The following CFAP43 variants were observed in gnomAD, a reference collection of about 807,000 sequenced individuals.
CFAP43 encodes cilia- and flagella-associated protein 43.
A neutral mutation model predicts 218.9 loss-of-function variants in CFAP43; 155 were observed. The ratio of observed to expected loss-of-function variants is 0.71; its 90% confidence interval spans 0.62 to 0.81. CFAP43 has a LOEUF of 0.81. Ranked by LOEUF, CFAP43 falls within the 30% of genes least tolerant of loss-of-function variation. The probability of loss-of-function intolerance (pLI) is 0.00; values close to 1 mark genes in which losing one functional copy is unlikely to be tolerated. For missense variants in CFAP43, 1,778 were observed against 1,954.3 expected (o/e 0.91, Z 1.70); for synonymous variants, 645 against 681.3 (o/e 0.95, Z 0.83).
At chr10:104,231,684 A>T (rs1194774161) in intron 1 of CFAP43, among the ~76,000 whole-genome samples, 1 of 152,168 alleles carries the variant, frequency 6.6e-6, no homozygotes, top group African/African-American at 2.4e-5. Flanking sequence ...ATATCTGCGC[A>T]GTGCTTGATG....
At chr10:104,222,828 T>C (rs2091217736) in intron 3 of CFAP43, among the ~76,000 whole-genome samples, 1 of 152,148 alleles carries the variant, frequency 6.6e-6, no homozygotes, top group Admixed American at 6.5e-5. Context: ...TACAAATGTA[T>C]TGAATGAATT....
Position 104,193,999 on chromosome 10 carries a change from A to T in CFAP43, c.1309T>A (p.Cys437Ser), listed in dbSNP as rs2090312004. The change falls in exon 11 of 38, where the codon TGC becomes AGC. Residue 437 changes from cysteine (C) to serine (S), a missense_variant. By Grantham distance (112) the Cys-to-Ser change is moderately radical. Around this residue, in one of 3 missense-constraint regions of CFAP43, gnomAD observed 1,553 missense variants for 1,685.2 expected, o/e 0.92. Transcript: ENST00000357060. The stretch of plus-strand genomic sequence containing the variant: ...GCTGCAGAGAGGGAGGATGGACAGC[A>T]AGCCAGAACCGTTGCCTGTTTAAAA... Reference protein sequence around the residue: ...YLNTLATVLACCPSSLSAAVG... With the variant: ...YLNTLATVLASCPSSLSAAVG... 6.2e-7 allele frequency: 1 copy of T among 1,613,796 alleles called. No homozygotes were observed. The highest frequency in any genetic ancestry group is 8.5e-7 in the Non-Finnish European group (1 of 1,180,034).
intron 34 of CFAP43, among the ~76,000 whole-genome samples, chr10:104,138,813 A>C (rs2087568401): frequency 1.3e-5 from 2 of 152,230 alleles, no homozygotes; most frequent in African/African-American, 2.4e-5. Flanking sequence ...ATAATGTGTC[A>C]ATATTAGTTC....
chr10:104,183,884 T>G (rs2089943022), intron 16 of CFAP43, among the ~76,000 whole-genome samples: 2 of 152,200 alleles, frequency 1.3e-5, no homozygotes, highest in African/African-American at 4.8e-5. Flanking sequence ...AATATTCTAT[T>G]CAGAATCCCA....
At chr10:104,162,500 G>T (rs1221224486) in intron 24 of CFAP43, 97 bp from the exon 25 acceptor site, 2 of 1,030,984 alleles carry the variant, frequency 1.9e-6, no homozygotes, top group Non-Finnish European at 1.5e-6. Context: ...ATACTAAGGG[G>T]ATTAAAGGGA....
intron 34 of CFAP43, among the ~76,000 whole-genome samples, chr10:104,137,932 T>C (rs907255473): frequency 2.0e-5 from 3 of 152,252 alleles, no homozygotes; most frequent in Non-Finnish European, 2.9e-5. Context: ...TTTTATGTTA[T>C]GTGTATTATA....
intron 9 of CFAP43, among the ~76,000 whole-genome samples, chr10:104,197,387 A>T (rs949123657): frequency 6.6e-6 from 1 of 152,142 alleles, no homozygotes; most frequent in African/African-American, 2.4e-5. Context: ...CCTACTATTA[A>T]CATCTTGCAT....
rs2089457273 is a variant in CFAP43 at position 104,172,587 on chromosome 10, T to G, written c.2461-52A>C. On this transcript the variant is annotated intron_variant, in intron 19 of 37. Transcript: ENST00000357060. ...TGACAAGTAAAGAATTAAACTGTAA[T>G]AAGATAATTTTCTTAGTTTCTTTTA... 3 of 1,452,944 alleles carry G rather than the reference T, an allele frequency of 2.1e-6. No homozygotes were observed. In the Admixed American group the frequency reaches 8.6e-5, roughly 42 times the overall value. 90.0% of individuals were successfully genotyped at this position (1,452,944 alleles called of 1,614,324 possible).
At chr10:104,188,507 CACTATATCTTT>C (rs2090105876) in intron 12 of CFAP43, 97 bp from the exon 13 acceptor site, 1 of 1,429,502 alleles carries the variant, frequency 7.0e-7, no homozygotes, top group Non-Finnish European at 9.4e-7. Flanking sequence ...GACTTGCCTT[CACTATATCTTT>C]AGAATCAAAT....
At chr10:104,184,371 GT>G (rs962808734) in intron 16 of CFAP43, among the ~76,000 whole-genome samples, 8 of 151,698 alleles carry the variant, frequency 5.3e-5, no homozygotes, top group African/African-American at 1.9e-4. Flanking sequence ...ATAAACAGGA[GT>G]TTTTAAAGTT....
chr10:104,222,294 G>A (rs1047271416), intron 3 of CFAP43, among the ~76,000 whole-genome samples: 1 of 152,120 alleles, frequency 6.6e-6, no homozygotes, highest in African/African-American at 2.4e-5. Flanking sequence ...TCGTGTTTAG[G>A]CCCACTGCTG....
chr10:104,190,488 C>A (rs1245661118), intron 12 of CFAP43, among the ~76,000 whole-genome samples: 1 of 152,166 alleles, frequency 6.6e-6, no homozygotes, highest in East Asian at 1.9e-4. Context: ...TCTGTTGAGC[C>A]ATCTCATCAG....
In CFAP43 at chr10:104,203,668, A is replaced by T. The variant is rs759739379; in HGVS notation, c.1095+4T>A. The T allele has an allele frequency of 6.3e-7, 1 of 1,596,688 alleles. No individual in the cohort carries two copies. The highest frequency in any genetic ancestry group is 1.2e-5 in the South Asian group (1 of 86,320). ...ACATATCAAGAAATTACCATCCAACATACCTTGTCTGTTTGAATCAGCAAC... is the reference window on the plus strand; with the variant it reads ...ACATATCAAGAAATTACCATCCAACTTACCTTGTCTGTTTGAATCAGCAAC... On this transcript the variant is annotated splice_donor_region_variant and intron_variant, in intron 8 of 37. Coordinates refer to ENST00000357060, the MANE Select transcript of CFAP43 (RefSeq NM_025145.7).
intron 6 of CFAP43, among the ~76,000 whole-genome samples, chr10:104,207,418 G>A (rs2090726059): frequency 6.6e-6 from 1 of 152,124 alleles, no homozygotes; most frequent in Non-Finnish European, 1.5e-5. Flanking sequence ...TACGTGGACT[G>A]GGCCATGTTT....
At chr10:104,167,822 G>T in intron 21 of CFAP43, 85 bp from the exon 22 acceptor site, 1 of 956,292 alleles carries the variant, frequency 1.0e-6, no homozygotes, top group Non-Finnish European at 1.6e-6. Context: ...TGTTTTCTGT[G>T]ATTAAAATTA....
In CFAP43 at chr10:104,214,311, C is replaced by G. The variant is rs750638239; in HGVS notation, c.532G>C (p.Val178Leu). ...CTTCTTTCAATGGTCCACACGCTCA[C>G]TGTACTTGGACTTGATAAGCACAGC... is the stretch of plus-strand genomic sequence containing the variant. ...RQLCLSSPST[V>L]SVWTIERSNQ... The change falls in exon 4 of 38, where the codon GTG (valine) becomes CTG (leucine). Residue 178 changes from valine to leucine, a missense_variant. Coordinates refer to ENST00000357060, the MANE Select transcript of CFAP43 (RefSeq NM_025145.7). 7 of 1,608,802 alleles carry G rather than the reference C, an allele frequency of 4.4e-6. No individual in the cohort carries two copies. Among genetic ancestry groups the G allele is most frequent in the Non-Finnish European group, 4.2e-6 (5 of 1,177,230 alleles).
intron 17 of CFAP43, among the ~76,000 whole-genome samples, chr10:104,180,809 G>A (rs1387394365): frequency 6.6e-6 from 1 of 152,066 alleles, no homozygotes; most frequent in Admixed American, 6.5e-5. Flanking sequence ...AGTTTGGGAT[G>A]CCATGTTCTC....
chr10:104,171,373 C>T (rs1429495914), intron 20 of CFAP43, among the ~76,000 whole-genome samples: 1 of 152,242 alleles, frequency 6.6e-6, no homozygotes, highest in African/African-American at 2.4e-5. Flanking sequence ...TCCTCACCTT[C>T]TCAGTCTCAT....
intron 28 of CFAP43, among the ~76,000 whole-genome samples, chr10:104,151,209 A>C (rs1266878693): frequency 6.6e-6 from 1 of 152,180 alleles, no homozygotes; most frequent in Non-Finnish European, 1.5e-5. Context: ...GAACATATGC[A>C]TGCATGTGTC....
Sources: allele counts gnomAD v4.1 joint callset (sites outside exome capture counted in the v4.1 genomes callset), GRCh38; gene constraint gnomAD v4.1.1; regional missense constraint gnomAD v4.1.1; transcripts MANE v1.5; gene names NCBI Gene and HGNC (gene_info 2026-07-23, HGNC 2026-07-21).